Variants in CDO1 observed in about 807,000 individuals in gnomAD.
The protein encoded by CDO1 is cysteine dioxygenase type 1, also known as cysteine dioxygenase, type I.
Under a neutral mutation model 24.5 loss-of-function variants are expected in CDO1, and 19 were observed. The ratio of observed to expected loss-of-function variants is 0.77; its 90% confidence interval spans 0.54 to 1.14. CDO1 has a LOEUF of 1.14. CDO1 is among the 50% of genes most tolerant of loss of function. The probability of loss-of-function intolerance (pLI) is 0.00; values close to 1 mark genes in which losing one functional copy is unlikely to be tolerated. For synonymous variants in CDO1, 91 were observed against 87.0 expected, an observed-to-expected ratio of 1.05 and a Z score of -0.26; for missense variants, 244 against 244.8, an observed-to-expected ratio of 1.00 and a Z score of 0.02.
chr5:115,805,359 T>C lies in CDO1; in HGVS notation c.*74A>G. 1 of 1,262,884 alleles carries C rather than the reference T, an allele frequency of 7.9e-7. No homozygotes were observed. The highest frequency in any genetic ancestry group is 1.2e-6 in the Non-Finnish European group (1 of 869,482). 78.2% of individuals were successfully genotyped at this position (1,262,884 alleles called of 1,614,324 possible). ...TTTAAGTATATTACTGGATAGCACGTGGTAGGTAGCCTTTTTGTCCAAGGC... is the reference window on the plus strand; with the variant it reads ...TTTAAGTATATTACTGGATAGCACGCGGTAGGTAGCCTTTTTGTCCAAGGC... On this transcript the variant is annotated 3_prime_UTR_variant, in exon 5 of 5. Transcript: ENST00000250535.
intron 1 of CDO1, among the ~76,000 whole-genome samples, chr5:115,813,626 T>G (rs540860940): frequency 2.8e-4 from 43 of 152,080 alleles, no homozygotes; most frequent in Non-Finnish European, 5.7e-4. Context: ...GCTATTGTTT[T>G]TTTTTTTTTC....
At chr5:115,814,681 T>C (rs143428483) in intron 1 of CDO1, among the ~76,000 whole-genome samples, 20 of 152,284 alleles carry the variant, frequency 1.3e-4, no homozygotes, top group Admixed American at 5.2e-4. Context: ...TCCTTGAAAA[T>C]ACACTTGTTC....
intron 3 of CDO1, among the ~76,000 whole-genome samples, chr5:115,807,301 A>G (rs1378940347): frequency 6.6e-6 from 1 of 152,252 alleles, no homozygotes; most frequent in African/African-American, 2.4e-5. Context: ...TTCCTGAAGA[A>G]AAAGTCTCTG....
Position 115,813,260 on chromosome 5 carries a change from T to TAAA in CDO1, c.171-5_171-3dup. ...TGATCCACAAGATTTCGGGTATACCTAAAAAAAAACAATATATTCAGAAGT... is the reference window on the plus strand; with the variant it reads ...TGATCCACAAGATTTCGGGTATACCTAAAAAAAAAAAACAATATATTCAGAAGT... On this transcript the variant is annotated splice_polypyrimidine_tract_variant and splice_region_variant and intron_variant, in intron 1 of 4. Coordinates refer to ENST00000250535, the MANE Select transcript of CDO1 (RefSeq NM_001801.3). 1 of 1,504,574 alleles carries TAAA rather than the reference T, an allele frequency of 6.6e-7. No homozygotes were observed. Among genetic ancestry groups the TAAA allele is most frequent in the Non-Finnish European group, 9.2e-7 (1 of 1,087,646 alleles). 93.2% of individuals were successfully genotyped at this position (1,504,574 alleles called of 1,614,324 possible). A position where few individuals can be genotyped will look rare whatever the true frequency, so the allele number is the denominator to read the frequency against.
At chr5:115,807,930 G>A (rs1360483865) in intron 3 of CDO1, among the ~76,000 whole-genome samples, 1 of 151,612 alleles carries the variant, frequency 6.6e-6, no homozygotes, top group Non-Finnish European at 1.5e-5. Context: ...AAAGTTTCTA[G>A]AAAGAAAATA....
In CDO1 at chr5:115,816,550, A is replaced by T; in HGVS notation, c.-153T>A. The T allele has an allele frequency of 3.7e-6, 3 of 812,850 alleles. No homozygotes were observed. In the South Asian group the frequency reaches 5.0e-5, roughly 14 times the overall value. The allele number at this position is 812,850 out of a possible 1,614,324, so 50.4% of individuals were successfully genotyped here. A position where few individuals can be genotyped will look rare whatever the true frequency, so the allele number is the denominator to read the frequency against. On this transcript the variant is annotated 5_prime_UTR_variant, in exon 1 of 5. Coordinates refer to ENST00000250535, the MANE Select transcript of CDO1 (RefSeq NM_001801.3). ...ACCCAGCATTAGAGTGCCGAAACGT[A>T]AGGATGTCGTCGCAGAGACAGCAAG...
At chr5:115,816,191 T>C in intron 1 of CDO1, 37 bp downstream of exon 1, 1 of 1,587,944 alleles carries the variant, frequency 6.3e-7, no homozygotes, top group Non-Finnish European at 8.6e-7. Context: ...ACGGGGCGAG[T>C]GGGCGCCGCC....
intron 1 of CDO1, among the ~76,000 whole-genome samples, 160 bp downstream of exon 1, chr5:115,816,068 G>A (rs1461214122): frequency 6.6e-6 from 1 of 152,198 alleles, no homozygotes. Flanking sequence ...CCCCAAGCGA[G>A]TCGTGCCAGC....
rs754449062 is a variant in CDO1 at position 115,811,192 on chromosome 5, G to C, written c.372C>G (p.Val124=). ...SNEMVKKSER[V]LRENQCAYIN... is the part of the protein sequence containing the mutation. ...TGTAGGCACACTGGTTTTCCCTCAAGACTCTTTCAGACTTCTTGACCATCT... is the reference window on the plus strand; with the variant it reads ...TGTAGGCACACTGGTTTTCCCTCAACACTCTTTCAGACTTCTTGACCATCT... The change falls in exon 3 of 5, where the codon GTC becomes GTG. Residue 124 remains valine (V), a synonymous_variant. Transcript: ENST00000250535. The C allele has an allele frequency of 6.2e-7, 1 of 1,613,608 alleles. No homozygotes were observed. The highest frequency in any genetic ancestry group is 8.5e-7 in the Non-Finnish European group (1 of 1,179,732).
Position 115,815,584 on chromosome 5 carries a change from T to A in CDO1, c.170+644A>T, listed in dbSNP as rs541381698. ...GTTTGGGAAAGGGAACAGCAGAAATTCCGTAGTGGCAGCTGACGGCCACAA... is the reference window on the plus strand; with the variant it reads ...GTTTGGGAAAGGGAACAGCAGAAATACCGTAGTGGCAGCTGACGGCCACAA... On this transcript the variant is annotated intron_variant, in intron 1 of 4. Coordinates refer to ENST00000250535, the MANE Select transcript of CDO1 (RefSeq NM_001801.3). Among the ~76,000 whole-genome samples, 50 of 152,204 alleles carry A rather than the reference T, an allele frequency of 3.3e-4. 1 individual carries two copies. In the South Asian group the frequency reaches 0.01, roughly 31 times the overall value.
At chr5:115,814,108 T>C (rs1760320551) in intron 1 of CDO1, among the ~76,000 whole-genome samples, 1 of 152,154 alleles carries the variant, frequency 6.6e-6, no homozygotes, top group Non-Finnish European at 1.5e-5. Context: ...GAGTTTTTTT[T>C]CCCTTCGTCA....
intron 3 of CDO1, among the ~76,000 whole-genome samples, chr5:115,807,558 T>C (rs1261987003): frequency 6.8e-6 from 1 of 147,710 alleles, no homozygotes; most frequent in Non-Finnish European, 1.5e-5. Flanking sequence ...GAAAATACCA[T>C]AAAAGGGACC....
Position 115,805,477 on chromosome 5 carries a change from A to G in CDO1, c.574-15T>C, listed in dbSNP as rs1250393743. On this transcript the variant is annotated splice_polypyrimidine_tract_variant and intron_variant, in intron 4 of 4. Transcript: ENST00000250535. ...CCCGAAGTTGCCTGTAAAAAAGGGA[A>G]AAAAAGAAAGCTGTGTAAGAAACTT... The G allele has an allele frequency of 6.2e-7, 1 of 1,613,432 alleles. No homozygotes were observed. Among genetic ancestry groups the G allele is most frequent in the South Asian group, 1.1e-5 (1 of 91,054 alleles).
Position 115,809,366 on chromosome 5 carries a change from A to C in CDO1, c.403+1795T>G, listed in dbSNP as rs562065314. 7.9e-5 allele frequency among the ~76,000 whole-genome samples: 12 copies of C among 152,180 alleles called. No homozygotes were observed. The East Asian group carries it at 1.4e-3, about 17-fold the overall frequency. On this transcript the variant is annotated intron_variant, in intron 3 of 4. Coordinates refer to ENST00000250535, the MANE Select transcript of CDO1 (RefSeq NM_001801.3). ...TCCAGGCCCGGTCGACCTTTTGCTC[A>C]TTACAATAGGCAACTTGGTCTCCTT...
intron 2 of CDO1, among the ~76,000 whole-genome samples, chr5:115,812,580 A>G (rs866921889): frequency 2.8e-4 from 42 of 152,322 alleles, no homozygotes; most frequent in African/African-American, 9.6e-4. Flanking sequence ...AATTTCACAT[A>G]AAGTTTTACT....
At chr5:115,808,083 GA>G (rs993946808) in intron 3 of CDO1, among the ~76,000 whole-genome samples, 1 of 152,124 alleles carries the variant, frequency 6.6e-6, no homozygotes, top group African/African-American at 2.4e-5. Context: ...GGGCTCAAGT[GA>G]TCCTCCCACT....
Position 115,816,327 on chromosome 5 carries a change from G to A in CDO1, c.71C>T (p.Ala24Val), listed in dbSNP as rs1760446033. 1 of 1,613,928 alleles carries A rather than the reference G, an allele frequency of 6.2e-7. No homozygotes were observed. Among genetic ancestry groups the A allele is most frequent in the Admixed American group, 1.7e-5 (1 of 60,008 alleles). ...DLIRILHQLF[A>V]GDEVNVEEVQ... ...CTCCTCTACATTGACCTCATCGCCGGCAAAGAGCTGGTGCAGGATGCGGAT... is the reference window on the plus strand; with the variant it reads ...CTCCTCTACATTGACCTCATCGCCGACAAAGAGCTGGTGCAGGATGCGGAT... The change falls in exon 1 of 5, where the codon GCC becomes GTC. Residue 24 changes from alanine (A) to valine (V), a missense_variant. By Grantham distance (64) the Ala-to-Val change is moderately conservative. Transcript: ENST00000250535.
At chr5:115,808,656 T>C (rs781026899) in intron 3 of CDO1, among the ~76,000 whole-genome samples, 3 of 152,042 alleles carry the variant, frequency 2.0e-5, no homozygotes, top group Non-Finnish European at 4.4e-5. Flanking sequence ...GATCAACGAA[T>C]CTGTGCTGAA....
At chr5:115,814,286 C>T (rs572025091) in intron 1 of CDO1, 2 of 152,262 alleles carry the variant, frequency 1.3e-5, no homozygotes, top group African/African-American at 4.8e-5. Context: ...TGTACACAAC[C>T]TTCAATTCAC....
Sources: gnomAD v4.1 joint callset for allele counts (sites outside exome capture counted in the v4.1 genomes callset) on GRCh38, gnomAD v4.1.1 for gene constraint, MANE v1.5 for transcripts, NCBI Gene and HGNC (gene_info 2026-07-23, HGNC 2026-07-21) for gene names.